SUMO2: variants seen among roughly 807,000 people sequenced by gnomAD.
SUMO2 encodes the protein small ubiquitin-related modifier 2.
Under a neutral mutation model 16.0 loss-of-function variants are expected in SUMO2, and 1 was observed. That is an observed-to-expected ratio of 0.06 (90% confidence interval 0.02 to 0.30). The LOEUF (loss-of-function observed/expected upper bound fraction) is 0.30, where lower values mean the gene tolerates loss of function less well. Ranked by LOEUF, SUMO2 falls within the 10% of genes least tolerant of loss-of-function variation. The probability of loss-of-function intolerance (pLI) is 1.00; values close to 1 mark genes in which losing one functional copy is unlikely to be tolerated. For missense variants in SUMO2, 16 were observed against 117.5 expected (o/e 0.14, Z 3.99); for synonymous variants, 36 against 40.6 (o/e 0.89, Z 0.43).
intron 3 of SUMO2, among the ~76,000 whole-genome samples, chr17:75,173,730 G>A (rs1390319334): frequency 6.6e-6 from 1 of 152,134 alleles, no homozygotes; most frequent in Non-Finnish European, 1.5e-5. Context: ...GCCCACCTTG[G>A]CGTCACAGTG....
chr17:75,175,761 T>TA (rs2074777777), intron 2 of SUMO2, among the ~76,000 whole-genome samples: 1 of 151,560 alleles, frequency 6.6e-6, no homozygotes, highest in Admixed American at 6.6e-5. Flanking sequence ...GCCTCCCGAG[T>TA]AGCTGGGATT....
rs753489125 is a variant in SUMO2 at position 75,174,830 on chromosome 17, G to A, written c.154-7C>T. ...TCTGCCTCATTGACAATCCCTGAAC[G>A]AGAATTTAAAAGCAATAAACAGCAT... On this transcript the variant is annotated splice_region_variant and splice_polypyrimidine_tract_variant and intron_variant, in intron 2 of 3. Transcript: ENST00000420826. 5.6e-6 allele frequency: 9 copies of A among 1,611,432 alleles called. No homozygotes were observed. The highest frequency in any genetic ancestry group is 1.6e-4 in the Middle Eastern group (1 of 6,082).
intron 3 of SUMO2, 39 bp from the exon 4 acceptor site, chr17:75,168,440 A>T (rs1250876525): frequency 6.5e-7 from 1 of 1,548,890 alleles, no homozygotes. Context: ...AGCACTGATT[A>T]AGTTCTGAAA....
intron 2 of SUMO2, among the ~76,000 whole-genome samples, chr17:75,180,221 TAAG>T (rs2074816009): frequency 6.6e-6 from 1 of 150,378 alleles, no homozygotes. Context: ...GGCTGAGGCA[TAAG>T]AATAGCCTCA....
At chr17:75,172,792 G>C (rs1227803612) in intron 3 of SUMO2, among the ~76,000 whole-genome samples, 1 of 151,822 alleles carries the variant, frequency 6.6e-6, no homozygotes, top group Non-Finnish European at 1.5e-5. Flanking sequence ...GCTAATTTTT[G>C]TATTTTTTGG....
At chr17:75,172,690 G>A (rs1281022522) in intron 3 of SUMO2, among the ~76,000 whole-genome samples, 1 of 151,846 alleles carries the variant, frequency 6.6e-6, no homozygotes, top group East Asian at 1.9e-4. Context: ...GGTCGGAGTG[G>A]TCTCAAACTC....
chr17:75,170,832 A>C (rs2074731998), intron 3 of SUMO2, among the ~76,000 whole-genome samples: 1 of 149,260 alleles, frequency 6.7e-6, no homozygotes, highest in Non-Finnish European at 1.5e-5. Context: ...CCTGGGTGAC[A>C]GTGCGAGACT....
intron 1 of SUMO2, 71 bp from the exon 2 acceptor site, chr17:75,181,259 G>C (rs1424374856): frequency 3.3e-6 from 5 of 1,504,806 alleles, no homozygotes; most frequent in Non-Finnish European, 4.5e-6. Flanking sequence ...AGCAGCAGCA[G>C]CCCTAGTTGC....
In SUMO2 at chr17:75,181,349, C is replaced by A. The variant is rs1471453; in HGVS notation, c.22-161G>T. ...TCAGCTGCTGAAATCAATGTGAAAG[C>A]GGAAAAATCCTGCAGTAACAGTATT... On this transcript the variant is annotated intron_variant, in intron 1 of 3. Transcript: ENST00000420826. Among the ~76,000 whole-genome samples the A allele has an allele frequency of 0.98, 149,524 of 152,226 alleles. 73,497 individuals are homozygous for A. The highest frequency in any genetic ancestry group is 1 in the East Asian group (5,192 of 5,192).
At chr17:75,179,721 G>A (rs901751809) in intron 2 of SUMO2, among the ~76,000 whole-genome samples, 1 of 150,228 alleles carries the variant, frequency 6.7e-6, no homozygotes, top group African/African-American at 2.5e-5. Context: ...GTGCAGTGGT[G>A]TGATCTTGGC....
At chr17:75,180,375 G>A (rs923348986) in intron 2 of SUMO2, among the ~76,000 whole-genome samples, 24 of 102,600 alleles carry the variant, frequency 2.3e-4, no homozygotes, top group Admixed American at 2.3e-3. Flanking sequence ...AAAAGAAATA[G>A]AGTGAGACTC....
At chr17:75,177,431 C>A (rs548601534) in intron 2 of SUMO2, among the ~76,000 whole-genome samples, 2 of 152,098 alleles carry the variant, frequency 1.3e-5, no homozygotes, top group African/African-American at 2.4e-5. Context: ...ATAATCCCAA[C>A]ATTTTGGAAG....
chr17:75,177,758 C>T (rs1441619330), intron 2 of SUMO2, among the ~76,000 whole-genome samples: 1 of 150,316 alleles, frequency 6.7e-6, no homozygotes, highest in East Asian at 2.0e-4. Flanking sequence ...GCCGAGGTGG[C>T]GAGACGGGTG....
At chr17:75,181,711 A>G (rs1045357707) in intron 1 of SUMO2, among the ~76,000 whole-genome samples, 2 of 152,080 alleles carry the variant, frequency 1.3e-5, no homozygotes, top group African/African-American at 2.4e-5. Flanking sequence ...AAAAAAAACA[A>G]TCGAAGAATA....
At chr17:75,174,606 C>T in intron 3 of SUMO2, 146 bp downstream of exon 3, 1 of 578,876 alleles carries the variant, frequency 1.7e-6, no homozygotes, top group Non-Finnish European at 3.0e-6. Context: ...TTCCTATTTT[C>T]CTTTCTGTTC....
chr17:75,174,718 T>C (rs376324053), intron 3 of SUMO2, 34 bp downstream of exon 3: 205 of 1,581,180 alleles, frequency 1.3e-4, no homozygotes, highest in Non-Finnish European at 1.6e-4. Flanking sequence ...GAATTACAAA[T>C]GGTAATTTTT....
chr17:75,179,153 T>C (rs762216672), intron 2 of SUMO2, among the ~76,000 whole-genome samples: 14 of 152,308 alleles, frequency 9.2e-5, no homozygotes, highest in African/African-American at 2.9e-4. Context: ...TGTTCAAATA[T>C]AGAAGATGCC....
At chr17:75,176,626 C>T (rs1333164260) in intron 2 of SUMO2, among the ~76,000 whole-genome samples, 3 of 151,874 alleles carry the variant, frequency 2.0e-5, no homozygotes, top group Non-Finnish European at 4.4e-5. Flanking sequence ...AAAACAACAA[C>T]AACAACAACA....
At position 75,177,081 on chromosome 17, in the gene SUMO2, G is replaced by A. The variant is rs556314940; in HGVS notation, c.154-2258C>T. 6.7e-4 allele frequency among the ~76,000 whole-genome samples: 102 copies of A among 151,994 alleles called. No homozygotes were observed. The Middle Eastern group carries it at 0.01, about 15-fold the overall frequency. On this transcript the variant is annotated intron_variant, in intron 2 of 3. Transcript: ENST00000420826. ...ACCTGTAGTCCCAGCTACTCCAGCC[G>A]GAGGTTGAGGGGGGAAAATTGCATG...
Sources: allele counts gnomAD v4.1 joint callset (sites outside exome capture counted in the v4.1 genomes callset), GRCh38; gene constraint gnomAD v4.1.1; transcripts MANE v1.5; gene names NCBI Gene and HGNC (gene_info 2026-07-23, HGNC 2026-07-21).